Variants in SH3RF3 observed in about 807,000 individuals in gnomAD.
SH3RF3 encodes the protein E3 ubiquitin-protein ligase SH3RF3.
Under a neutral mutation model 66.3 loss-of-function variants are expected in SH3RF3, and 29 were observed. The observed-to-expected ratio is 0.44, with a 90% CI of 0.33 to 0.60. The LOEUF (loss-of-function observed/expected upper bound fraction) is 0.60, where lower values mean the gene tolerates loss of function less well. Among genes scored for constraint, SH3RF3 ranks in the 20% least tolerant of loss-of-function variants. The pLI is 0.04. For missense variants in SH3RF3, 1,194 were observed against 1,190.9 expected (o/e 1.00, Z -0.04); for synonymous variants, 583 against 532.0 (o/e 1.10, Z -1.32).
intron 1 of SH3RF3, among the ~76,000 whole-genome samples, chr2:109,149,763 T>A (rs1677189266): frequency 6.6e-6 from 1 of 152,210 alleles, no homozygotes; most frequent in Non-Finnish European, 1.5e-5. Context: ...TGTGAGTAAG[T>A]GACAATTGGA....
At chr2:109,250,939 A>G (rs1680073708) in intron 1 of SH3RF3, among the ~76,000 whole-genome samples, 1 of 152,116 alleles carries the variant, frequency 6.6e-6, no homozygotes, top group Non-Finnish European at 1.5e-5. Flanking sequence ...TTTCTAAATT[A>G]ACGTTGTTTA....
intron 1 of SH3RF3, among the ~76,000 whole-genome samples, chr2:109,298,203 G>C (rs1681369363): frequency 3.3e-5 from 5 of 152,192 alleles, no homozygotes; most frequent in Admixed American, 3.3e-4. Context: ...TCACCAAATA[G>C]ATGCAGAGAA....
chr2:109,277,226 T>A (rs1680777486), intron 1 of SH3RF3, among the ~76,000 whole-genome samples: 1 of 152,140 alleles, frequency 6.6e-6, no homozygotes, highest in African/African-American at 2.4e-5. Flanking sequence ...TGCCCTGCAT[T>A]TCGGATGTGT....
intron 5 of SH3RF3, among the ~76,000 whole-genome samples, chr2:109,421,110 A>G (rs953519583): frequency 1.3e-5 from 2 of 152,216 alleles, no homozygotes; most frequent in East Asian, 1.9e-4. Context: ...AAGGAGGCAC[A>G]TGGAAAAGTG....
chr2:109,200,087 C>T (rs947747756), intron 1 of SH3RF3, among the ~76,000 whole-genome samples: 9 of 152,110 alleles, frequency 5.9e-5, no homozygotes, highest in African/African-American at 2.2e-4. Flanking sequence ...CCAGCATTTT[C>T]CTTCCAAGCC....
intron 8 of SH3RF3, among the ~76,000 whole-genome samples, chr2:109,450,795 G>C (rs1402424781): frequency 6.6e-6 from 1 of 152,198 alleles, no homozygotes; most frequent in Non-Finnish European, 1.5e-5. Context: ...GAGCCACTCT[G>C]TGTATTGGCC....
At chr2:109,202,820 C>T (rs1028439264) in intron 1 of SH3RF3, among the ~76,000 whole-genome samples, 2 of 152,222 alleles carry the variant, frequency 1.3e-5, no homozygotes, top group Non-Finnish European at 2.9e-5. Context: ...GAGCCCCATT[C>T]CCGGGAAAGG....
At chr2:109,158,552 G>T (rs558200871) in intron 1 of SH3RF3, among the ~76,000 whole-genome samples, 1 of 152,298 alleles carries the variant, frequency 6.6e-6, no homozygotes, top group East Asian at 1.9e-4. Flanking sequence ...AGGCGCTCAG[G>T]GCTGTCTGAC....
chr2:109,168,951 C>G (rs991907254), intron 1 of SH3RF3, among the ~76,000 whole-genome samples: 1 of 152,170 alleles, frequency 6.6e-6, no homozygotes, highest in African/African-American at 2.4e-5. Flanking sequence ...CTCGAGGGCT[C>G]AGTACACATT....
At chr2:109,268,968 C>A (rs1039599073) in intron 1 of SH3RF3, among the ~76,000 whole-genome samples, 1 of 152,186 alleles carries the variant, frequency 6.6e-6, no homozygotes, top group Admixed American at 6.5e-5. Flanking sequence ...CTGGGGGACA[C>A]AAATGTCTGA....
chr2:109,198,716 C>T (rs539276947), intron 1 of SH3RF3, among the ~76,000 whole-genome samples: 39 of 152,126 alleles, frequency 2.6e-4, no homozygotes, highest in Non-Finnish European at 3.7e-4. Flanking sequence ...TAATCCCATT[C>T]GTGAAGGTTC....
chr2:109,388,835 T>G (rs1381739771), intron 3 of SH3RF3, among the ~76,000 whole-genome samples: 1 of 103,696 alleles, frequency 9.6e-6, no homozygotes, highest in Non-Finnish European at 2.1e-5. Flanking sequence ...AGAGAGAGAC[T>G]AGAGAGAAGG....
rs565533018 is a variant in SH3RF3, at chr2:109,230,472, C to T, written c.573+100359C>T. Among the ~76,000 whole-genome samples, 6 of 152,080 alleles carry T rather than the reference C, an allele frequency of 3.9e-5. No homozygotes were observed. In the South Asian group the frequency reaches 6.2e-4, roughly 16 times the overall value. On this transcript the variant is annotated intron_variant, in intron 1 of 9. Transcript: ENST00000309415. ...GTGCATGCCTGTTATCCCAGTTACT[C>T]GGGGGGCTGAGGCAGGAGAATTGCT... is the stretch of plus-strand genomic sequence containing the variant.
chr2:109,335,712 C>T (rs1377538781), intron 1 of SH3RF3, among the ~76,000 whole-genome samples: 1 of 152,280 alleles, frequency 6.6e-6, no homozygotes, highest in Middle Eastern at 3.4e-3. Flanking sequence ...TTGTTCACTC[C>T]CAAACCCCAC....
rs1414206037 is a variant in SH3RF3, at chr2:109,504,074, A to G, written c.*2403A>G. On this transcript the variant is annotated 3_prime_UTR_variant, in exon 10 of 10. Transcript: ENST00000309415. ...GCATGGCCCATGTGCATTTCTGAGT[A>G]TTTTAAACTCGTTCAGGCCCTGCAG... 3 of 152,236 alleles carry G rather than the reference A, an allele frequency of 2.0e-5. No homozygotes were observed. The highest frequency in any genetic ancestry group is 1.9e-4 in the East Asian group (1 of 5,194). The allele number at this position is 152,236 out of a possible 1,614,324, so 9.4% of individuals were successfully genotyped here. A position where few individuals can be genotyped will look rare whatever the true frequency, so the allele number is the denominator to read the frequency against.
At chr2:109,207,018 G>C (rs1008663445) in intron 1 of SH3RF3, among the ~76,000 whole-genome samples, 3 of 152,140 alleles carry the variant, frequency 2.0e-5, no homozygotes, top group African/African-American at 7.2e-5. Context: ...CAGGAGGTGA[G>C]AACCACTCAG....
chr2:109,423,636 G>T (rs1404179136), intron 5 of SH3RF3, among the ~76,000 whole-genome samples: 2 of 152,176 alleles, frequency 1.3e-5, no homozygotes, highest in Admixed American at 1.3e-4. Flanking sequence ...CGAAGGCCTG[G>T]ATCAGCGAAA....
chr2:109,370,491 G>A (rs1574602906), intron 2 of SH3RF3, among the ~76,000 whole-genome samples: 1 of 151,812 alleles, frequency 6.6e-6, no homozygotes, highest in South Asian at 2.1e-4. Flanking sequence ...CACCCGCCTC[G>A]ACCTCCCAAA....
At chr2:109,376,274 A>G (rs113748948) in intron 3 of SH3RF3, among the ~76,000 whole-genome samples, 4,951 of 152,348 alleles carry the variant, frequency 0.032, 189 homozygotes, top group African/African-American at 0.087. Flanking sequence ...GATGATGTCA[A>G]CAATACCAGG....
Sources: gnomAD v4.1 joint callset for allele counts (sites outside exome capture counted in the v4.1 genomes callset) on GRCh38, gnomAD v4.1.1 for gene constraint, MANE v1.5 for transcripts, NCBI Gene and HGNC (gene_info 2026-07-23, HGNC 2026-07-21) for gene names.